Variants in ZMIZ1 observed in about 807,000 individuals in gnomAD.
ZMIZ1 encodes the protein zinc finger MIZ domain-containing protein 1.
Under a neutral mutation model 113.9 loss-of-function variants are expected in ZMIZ1, and 17 were observed. The ratio of observed to expected loss-of-function variants is 0.15; its 90% CI spans 0.10 to 0.22. The LOEUF is 0.22. Ranked by LOEUF, ZMIZ1 falls within the 10% of genes least tolerant of loss-of-function variation. The pLI, the probability that ZMIZ1 is intolerant of heterozygous loss-of-function variation, is 1.00. For synonymous variants in ZMIZ1, 607 were observed against 603.1 expected (o/e 1.01, Z -0.09); for missense variants, 1,059 against 1,477.8 (o/e 0.72, Z 4.65).
At chr10:79,106,140 A>T (rs1156820167) in intron 1 of ZMIZ1, among the ~76,000 whole-genome samples, 2 of 151,994 alleles carry the variant, frequency 1.3e-5, no homozygotes, top group East Asian at 3.9e-4. Flanking sequence ...AAATCCCCCC[A>T]CCCCCAGGCC....
chr10:79,292,726 G>C, intron 11 of ZMIZ1: 2 of 474,172 alleles, frequency 4.2e-6, no homozygotes, highest in Non-Finnish European at 8.3e-6. Context: ...TCTGTCTCCT[G>C]GATTGCCTCT....
At chr10:79,171,652 C>T (rs975954856) in intron 4 of ZMIZ1, among the ~76,000 whole-genome samples, 2 of 152,164 alleles carry the variant, frequency 1.3e-5, no homozygotes, top group Non-Finnish European at 2.9e-5. Context: ...TGTGATGCAC[C>T]GTGTCCACGG....
At chr10:79,183,478 C>A (rs1218353906) in intron 4 of ZMIZ1, among the ~76,000 whole-genome samples, 1 of 152,106 alleles carries the variant, frequency 6.6e-6, no homozygotes. Flanking sequence ...AAAACTTGGG[C>A]CCCTAAACTG....
chr10:79,218,829 G>A (rs4325264), intron 7 of ZMIZ1, among the ~76,000 whole-genome samples: 18,160 of 151,994 alleles, frequency 0.12, 1,237 homozygotes, highest in South Asian at 0.17. Context: ...GAGCATGCAC[G>A]GCTTTTTGTC....
chr10:79,290,872 T>C, intron 9 of ZMIZ1, 87 bp from the exon 10 acceptor site: 1 of 1,492,680 alleles, frequency 6.7e-7, no homozygotes, highest in Non-Finnish European at 9.3e-7. Context: ...CTTTGTTCTT[T>C]CTCCCTTTCC....
chr10:79,155,295 G>A, intron 3 of ZMIZ1, among the ~76,000 whole-genome samples: 1 of 152,212 alleles, frequency 6.6e-6, no homozygotes, highest in African/African-American at 2.4e-5. Flanking sequence ...GGAGGTGTTG[G>A]CTGGGGCAGT....
intron 4 of ZMIZ1, among the ~76,000 whole-genome samples, chr10:79,200,102 C>A (rs939809927): frequency 6.6e-6 from 1 of 152,148 alleles, no homozygotes; most frequent in Admixed American, 6.5e-5. Context: ...GTGTCCAGCA[C>A]GTGAAAAGTC....
At chr10:79,225,001 G>A (rs74965991) in intron 7 of ZMIZ1, among the ~76,000 whole-genome samples, 4 of 152,188 alleles carry the variant, frequency 2.6e-5, no homozygotes, top group African/African-American at 4.8e-5. Context: ...CCTGAGAGGC[G>A]AGGAGGAGGA....
At chr10:79,194,075 G>A (rs1180432067) in intron 4 of ZMIZ1, among the ~76,000 whole-genome samples, 1 of 152,202 alleles carries the variant, frequency 6.6e-6, no homozygotes, top group Non-Finnish European at 1.5e-5. Context: ...GCCTCTGCTC[G>A]CGGGCTGTAG....
intron 1 of ZMIZ1, among the ~76,000 whole-genome samples, chr10:79,076,783 G>A (rs1163279049): frequency 6.6e-6 from 1 of 152,182 alleles, no homozygotes; most frequent in Non-Finnish European, 1.5e-5. Context: ...GTTGCAGTGA[G>A]CCAAGATTGC....
At chr10:79,153,075 T>C (rs528397644) in intron 3 of ZMIZ1, among the ~76,000 whole-genome samples, 52 of 152,334 alleles carry the variant, frequency 3.4e-4, no homozygotes, top group Admixed American at 9.1e-4. Flanking sequence ...AACCCCTCTT[T>C]CTGAAAGAAC....
chr10:79,231,310 C>T (rs570244292), intron 7 of ZMIZ1, among the ~76,000 whole-genome samples: 12 of 152,328 alleles, frequency 7.9e-5, no homozygotes, highest in East Asian at 1.9e-4. Flanking sequence ...TGCAATGGCG[C>T]GATCTCAGCT....
chr10:79,202,624 A>T (rs560216000), intron 5 of ZMIZ1, among the ~76,000 whole-genome samples: 2 of 152,322 alleles, frequency 1.3e-5, no homozygotes, highest in African/African-American at 4.8e-5. Context: ...GCTCATACCA[A>T]GCCCAAGAGG....
intron 4 of ZMIZ1, among the ~76,000 whole-genome samples, chr10:79,193,346 A>G (rs540512223): frequency 2.6e-5 from 4 of 152,354 alleles, no homozygotes; most frequent in East Asian, 1.9e-4. Flanking sequence ...AGGTTTGTCC[A>G]TGGACCTTCT....
intron 2 of ZMIZ1, among the ~76,000 whole-genome samples, chr10:79,128,978 T>C (rs1197631832): frequency 6.6e-6 from 1 of 152,218 alleles, no homozygotes; most frequent in Non-Finnish European, 1.5e-5. Flanking sequence ...TAGCAACATA[T>C]GCACAGTACT....
chr10:79,235,147 A>G (rs1268572151), intron 7 of ZMIZ1, among the ~76,000 whole-genome samples: 3 of 152,216 alleles, frequency 2.0e-5, no homozygotes, highest in South Asian at 2.1e-4. Flanking sequence ...CTGTCAGCTC[A>G]TGTCCAGAGC....
Position 79,304,139 on chromosome 10 carries a change from G to C in ZMIZ1, c.2250G>C (p.Gln750His), listed in dbSNP as rs1047498770. ...LKCPITFRRI[Q>H]LPARGHDCKH... ...GCCCCATCACATTCCGGCGCATCCAGCTGCCTGCTCGAGGACACGATTGCA... is the reference window on the plus strand; with the variant it reads ...GCCCCATCACATTCCGGCGCATCCACCTGCCTGCTCGAGGACACGATTGCA... Residue 750 changes from glutamine to histidine, a missense_variant, in exon 19 of 25, where the codon CAG (glutamine) becomes CAC (histidine). Physicochemically the swap from Gln to His is conservative, Grantham distance 24 (BLOSUM62 0). This residue lies in a region of ZMIZ1 where 217 missense variants were observed against 426.9 expected (regional missense o/e 0.51). Transcript: ENST00000334512. The C allele has an allele frequency of 1.9e-6, 3 of 1,613,958 alleles. No homozygotes were observed. In the African/African-American group the frequency reaches 4.0e-5, roughly 22 times the overall value.
intron 3 of ZMIZ1, among the ~76,000 whole-genome samples, chr10:79,152,372 C>T (rs1414492899): frequency 2.0e-5 from 3 of 152,100 alleles, no homozygotes; most frequent in African/African-American, 7.2e-5. Flanking sequence ...TGGTGGTGGG[C>T]GCTTGCAGTC....
chr10:79,264,681 C>A (rs989934382), intron 7 of ZMIZ1, among the ~76,000 whole-genome samples: 2 of 152,188 alleles, frequency 1.3e-5, no homozygotes, highest in African/African-American at 4.8e-5. Flanking sequence ...TACCCCACCT[C>A]CGGAGGGGCT....
Sources: gnomAD v4.1 joint callset for allele counts (sites outside exome capture counted in the v4.1 genomes callset) on GRCh38, gnomAD v4.1.1 for gene constraint, gnomAD v4.1.1 regional missense constraint, MANE v1.5 for transcripts, NCBI Gene and HGNC (gene_info 2026-07-23, HGNC 2026-07-21) for gene names.